LRMDA: variants seen among roughly 807,000 people sequenced by gnomAD.
The protein encoded by LRMDA is leucine rich melanocyte differentiation associated, also known as leucine-rich melanocyte differentiation-associated protein.
In LRMDA, 18 loss-of-function variants were observed where a neutral mutation model predicts 29.8. The observed-to-expected ratio is 0.60, with a 90% CI of 0.42 to 0.90. LRMDA has a LOEUF of 0.90. LRMDA is among the 40% of genes least tolerant of loss of function. The probability of loss-of-function intolerance (pLI) is 0.00; values close to 1 mark genes in which losing one functional copy is unlikely to be tolerated. For synonymous variants in LRMDA, 125 were observed against 109.4 expected, an observed-to-expected ratio of 1.14 and a Z score of -0.89; for missense variants, 273 against 273.9, an observed-to-expected ratio of 1.00 and a Z score of 0.02.
chr10:75,706,998 C>T (rs1056281238), intron 2 of LRMDA, among the ~76,000 whole-genome samples: 1 of 152,138 alleles, frequency 6.6e-6, no homozygotes, highest in African/African-American at 2.4e-5. Flanking sequence ...ATTGTTGTTC[C>T]CTTCTGCATA....
rs142894489 is a variant in LRMDA, at chr10:76,287,909, G to T, written c.517-36492G>T. ...GGTTTGGGATTCATTTTGCATTAGA[G>T]AAATGACAAAGACCCAGAAAACAAG... is the stretch of plus-strand genomic sequence containing the variant. On this transcript the variant is annotated intron_variant, in intron 5 of 6. Coordinates refer to ENST00000611255, the MANE Select transcript of LRMDA (RefSeq NM_001305581.2). Among the ~76,000 whole-genome samples the T allele has an allele frequency of 1.2e-4, 19 of 152,258 alleles. No individual in the cohort carries two copies. In the East Asian group the frequency reaches 3.7e-3, roughly 29 times the overall value.
intron 5 of LRMDA, among the ~76,000 whole-genome samples, chr10:76,133,815 G>A (rs1399949419): frequency 2.6e-5 from 4 of 152,240 alleles, no homozygotes; most frequent in Admixed American, 1.3e-4. Flanking sequence ...ACAAAAGATA[G>A]GACAACCTCA....
intron 2 of LRMDA, among the ~76,000 whole-genome samples, chr10:75,687,145 G>C (rs940664640): frequency 6.6e-6 from 1 of 152,172 alleles, no homozygotes; most frequent in African/African-American, 2.4e-5. Context: ...GGCTCTAAGT[G>C]TTCAAATGCA....
chr10:75,466,280 A>T (rs1844649433), intron 2 of LRMDA, among the ~76,000 whole-genome samples: 1 of 152,226 alleles, frequency 6.6e-6, no homozygotes, highest in Non-Finnish European at 1.5e-5. Flanking sequence ...GTTGGATGGG[A>T]GAGGATGTGG....
chr10:75,596,347 G>A (rs989001060), intron 2 of LRMDA, among the ~76,000 whole-genome samples: 1 of 152,222 alleles, frequency 6.6e-6, no homozygotes, highest in Non-Finnish European at 1.5e-5. Flanking sequence ...AGGTGACTGT[G>A]ACAGGATGCT....
At chr10:76,528,537 C>A (rs1292982064) in intron 6 of LRMDA, among the ~76,000 whole-genome samples, 1 of 151,840 alleles carries the variant, frequency 6.6e-6, no homozygotes, top group Admixed American at 6.6e-5. Flanking sequence ...AATTTTTTTA[C>A]AATGAACATT....
chr10:75,892,494 A>G (rs1490916478), intron 2 of LRMDA, among the ~76,000 whole-genome samples: 1 of 152,224 alleles, frequency 6.6e-6, no homozygotes, highest in African/African-American at 2.4e-5. Flanking sequence ...TTAAGACATA[A>G]GTAATACCAT....
intron 2 of LRMDA, among the ~76,000 whole-genome samples, chr10:76,016,422 G>A (rs1847880100): frequency 6.7e-6 from 1 of 150,334 alleles, no homozygotes; most frequent in South Asian, 2.1e-4. Flanking sequence ...TTTTCCTTTA[G>A]TGTTAACATA....
chr10:75,755,331 G>A (rs1034964966), intron 2 of LRMDA, among the ~76,000 whole-genome samples: 2 of 152,222 alleles, frequency 1.3e-5, no homozygotes, highest in African/African-American at 4.8e-5. Context: ...CCATGTCATT[G>A]TGCCTAGCAC....
chr10:75,932,358 A>T (rs1160777481), intron 2 of LRMDA, among the ~76,000 whole-genome samples: 1 of 152,190 alleles, frequency 6.6e-6, no homozygotes, highest in African/African-American at 2.4e-5. Flanking sequence ...CTCATTAAAG[A>T]ACTCAACTAT....
chr10:76,557,062 A>T (rs1452566396), intron 6 of LRMDA, 147 bp from the exon 7 acceptor site: 7 of 652,676 alleles, frequency 1.1e-5, no homozygotes, highest in Non-Finnish European at 1.9e-5. Flanking sequence ...GAGGACAAAA[A>T]GGGAGAGTTC....
chr10:75,704,290 A>C (rs541684414), intron 2 of LRMDA, among the ~76,000 whole-genome samples: 1 of 152,234 alleles, frequency 6.6e-6, no homozygotes, highest in Non-Finnish European at 1.5e-5. Context: ...GCAAATGTAC[A>C]TCATATGTAT....
intron 2 of LRMDA, among the ~76,000 whole-genome samples, chr10:75,485,975 A>G (rs574510282): frequency 6.6e-6 from 1 of 152,050 alleles, no homozygotes; most frequent in African/African-American, 2.4e-5. Flanking sequence ...TGCTCACTTC[A>G]TTTAAGCATT....
At chr10:75,667,078 T>G (rs1384553893) in intron 2 of LRMDA, among the ~76,000 whole-genome samples, 2 of 152,200 alleles carry the variant, frequency 1.3e-5, no homozygotes, top group Non-Finnish European at 2.9e-5. Flanking sequence ...GGTGAATGTT[T>G]TCTTTTTGAA....
intron 2 of LRMDA, among the ~76,000 whole-genome samples, chr10:75,441,223 T>G (rs898238417): frequency 6.6e-6 from 1 of 152,178 alleles, no homozygotes; most frequent in Non-Finnish European, 1.5e-5. Context: ...CCATGTTCTA[T>G]AGAAAGTTTC....
intron 6 of LRMDA, among the ~76,000 whole-genome samples, chr10:76,387,559 T>A (rs974954808): frequency 6.6e-6 from 1 of 151,238 alleles, no homozygotes; most frequent in African/African-American, 2.4e-5. Context: ...GGTATGATCA[T>A]GCCGCTGCAC....
intron 5 of LRMDA, among the ~76,000 whole-genome samples, chr10:76,103,063 G>C (rs926245454): frequency 2.0e-5 from 3 of 152,172 alleles, no homozygotes; most frequent in Non-Finnish European, 2.9e-5. Flanking sequence ...TATCTCCTTT[G>C]ACTATAATTT....
intron 2 of LRMDA, among the ~76,000 whole-genome samples, chr10:75,888,074 C>T (rs1053418794): frequency 2.0e-5 from 3 of 152,132 alleles, no homozygotes; most frequent in South Asian, 2.1e-4. Flanking sequence ...GCCAGTAATA[C>T]GTTTCTAATG....
intron 2 of LRMDA, among the ~76,000 whole-genome samples, chr10:75,901,583 T>G (rs7075958): frequency 2.6e-5 from 4 of 151,930 alleles, no homozygotes; most frequent in Non-Finnish European, 5.9e-5. Context: ...GAAGTATTCA[T>G]GGGGGGAGAA....
Sources: allele counts gnomAD v4.1 joint callset (sites outside exome capture counted in the v4.1 genomes callset), GRCh38; gene constraint gnomAD v4.1.1; transcripts MANE v1.5; gene names NCBI Gene and HGNC (gene_info 2026-07-23, HGNC 2026-07-21).